The following POFUT2 variants were observed in gnomAD, a reference collection of about 807,000 sequenced individuals.
POFUT2 encodes the protein GDP-fucose protein O-fucosyltransferase 2.
In POFUT2, 30 loss-of-function variants were observed where a neutral mutation model predicts 55.0. The observed-to-expected ratio is 0.55, with a 90% CI of 0.41 to 0.74. POFUT2 has a LOEUF of 0.74. Among genes scored for constraint, POFUT2 ranks in the 30% least tolerant of loss-of-function variants. The probability of loss-of-function intolerance (pLI) is 0.00; values close to 1 mark genes in which losing one functional copy is unlikely to be tolerated. For synonymous variants in POFUT2, 267 were observed against 231.1 expected, an observed-to-expected ratio of 1.16 and a Z score of -1.41; for missense variants, 524 against 562.6, an observed-to-expected ratio of 0.93 and a Z score of 0.69.
Position 45,277,007 on chromosome 21 carries a change from G to C in POFUT2, c.831+10C>G, listed in dbSNP as rs767096579. On this transcript the variant is annotated intron_variant, in intron 6 of 8. Coordinates refer to ENST00000349485, the MANE Select transcript of POFUT2 (RefSeq NM_133635.6). This position sits in a 1 kb window ranked among gnomAD's most constrained non-coding sequence, Gnocchi z 6.9. Reference sequence around the variant, plus strand: ...CCTTTTCTCTAATTAACAAAAGGGAGGGGGGCTACCTTCATCTTCATCCAG... The same window carrying C: ...CCTTTTCTCTAATTAACAAAAGGGACGGGGGCTACCTTCATCTTCATCCAG... 4 of 1,613,480 alleles carry C rather than the reference G, an allele frequency of 2.5e-6. No homozygotes were observed. The Admixed American group carries it at 6.7e-5, about 27-fold the overall frequency.
At position 45,284,668 on chromosome 21, in the gene POFUT2, G is replaced by C. The variant is rs976810920; in HGVS notation, c.382+1010C>G. 6.6e-6 allele frequency among the ~76,000 whole-genome samples: 1 copy of C among 152,212 alleles called. No individual in the cohort carries two copies. Among genetic ancestry groups the C allele is most frequent in the Non-Finnish European group, 1.5e-5 (1 of 68,046 alleles). Reference sequence around the variant, plus strand: ...TCAGGAAACCCACTGGTACCAAAGGGAGGTAAGGATAGCATCTCTGGGTTC... The same window carrying C: ...TCAGGAAACCCACTGGTACCAAAGGCAGGTAAGGATAGCATCTCTGGGTTC... On this transcript the variant is annotated intron_variant, in intron 2 of 8. Coordinates refer to ENST00000349485, the MANE Select transcript of POFUT2 (RefSeq NM_133635.6). The surrounding 1 kb of genome is among the most constrained non-coding windows in gnomAD (Gnocchi z 5.8).
Position 45,284,641 on chromosome 21 carries a change from T to C in POFUT2, c.382+1037A>G, listed in dbSNP as rs1247378056. On this transcript the variant is annotated intron_variant, in intron 2 of 8. Coordinates refer to ENST00000349485, the MANE Select transcript of POFUT2 (RefSeq NM_133635.6). This position sits in a 1 kb window ranked among gnomAD's most constrained non-coding sequence, Gnocchi z 5.8. ...CAAGGCCCAGACCTGTCCGCTTCCC[T>C]GTCAGGAAACCCACTGGTACCAAAG... 6.6e-6 allele frequency among the ~76,000 whole-genome samples: 1 copy of C among 152,204 alleles called. No individual in the cohort carries two copies. Among genetic ancestry groups the C allele is most frequent in the Non-Finnish European group, 1.5e-5 (1 of 68,028 alleles).
intron 1 of POFUT2, 61 bp downstream of exon 1, chr21:45,287,680 C>A: frequency 7.6e-7 from 1 of 1,312,218 alleles, no homozygotes; most frequent in Non-Finnish European, 9.9e-7. Context: ...CGCCCCCATC[C>A]CATCCTCTGA....
At chr21:45,279,223 C>T (rs890851268) in intron 4 of POFUT2, among the ~76,000 whole-genome samples, 26 of 152,152 alleles carry the variant, frequency 1.7e-4, no homozygotes, top group South Asian at 1.0e-3. Flanking sequence ...AACCCCGTCT[C>T]TACTAAAAAT....
chr21:45,286,982 G>A (rs1348818896), intron 1 of POFUT2, among the ~76,000 whole-genome samples: 1 of 152,136 alleles, frequency 6.6e-6, no homozygotes, highest in Non-Finnish European at 1.5e-5. Context: ...GCCTGGACCC[G>A]TGTCACTTGC....
At position 45,266,005 on chromosome 21, in the gene POFUT2, G is replaced by C; in HGVS notation, c.1137-370C>G. 3.3e-6 allele frequency: 4 copies of C among 1,208,914 alleles called. No homozygotes were observed. The South Asian group carries it at 6.0e-5, about 18-fold the overall frequency. The allele number at this position is 1,208,914 out of a possible 1,614,324, so 74.9% of individuals were successfully genotyped here. A position where few individuals can be genotyped will look rare whatever the true frequency, so the allele number is the denominator to read the frequency against. On this transcript the variant is annotated intron_variant, in intron 8 of 8. Coordinates refer to ENST00000349485, the MANE Select transcript of POFUT2 (RefSeq NM_133635.6). ...TCCTGGGGGTCACATGGTGAACAAT[G>C]AGAGATTCCTACTAACCACACACTG...
chr21:45,271,091 GC>G (rs1408461632), intron 6 of POFUT2, among the ~76,000 whole-genome samples: 5 of 151,908 alleles, frequency 3.3e-5, no homozygotes, highest in African/African-American at 1.2e-4. Context: ...TCATTATTAA[GC>G]TACTCAAGGA....
chr21:45,268,310 A>C (rs2093176724), intron 7 of POFUT2, among the ~76,000 whole-genome samples: 1 of 152,200 alleles, frequency 6.6e-6, no homozygotes, highest in Non-Finnish European at 1.5e-5. Flanking sequence ...GCTGGAGTGC[A>C]GTGGCGTGAT....
intron 1 of POFUT2, among the ~76,000 whole-genome samples, chr21:45,286,237 C>A (rs1295230143): frequency 6.6e-6 from 1 of 152,180 alleles, no homozygotes; most frequent in Non-Finnish European, 1.5e-5. Context: ...TTAAAGACCC[C>A]TTTACACTGG....
chr21:45,285,912 C>G lies in POFUT2; in HGVS notation c.148G>C (p.Val50Leu). The change falls in exon 2 of 9, where the codon GTC becomes CTC. Residue 50 changes from valine (V) to leucine (L), a missense_variant. By Grantham distance (32) the Val-to-Leu change is conservative (BLOSUM62 1). This residue lies in a region of POFUT2 where 274 missense variants were observed against 244.4 expected (regional missense o/e 1.12). Transcript: ENST00000349485. This position sits in a 1 kb window ranked among gnomAD's most constrained non-coding sequence, Gnocchi z 4.9. ...ASRRRYLLYD[V>L]NPPEGFNLRR... ...AGGTTGAAGCCTTCCGGGGGGTTGA[C>G]GTCATACAGAAGATACCTGAGCAGG... 1 of 1,608,826 alleles carries G rather than the reference C, an allele frequency of 6.2e-7. No homozygotes were observed. The highest frequency in any genetic ancestry group is 8.5e-7 in the Non-Finnish European group (1 of 1,177,726).
chr21:45,266,074 C>T (rs1231614312), intron 8 of POFUT2: 8 of 1,272,724 alleles, frequency 6.3e-6, no homozygotes, highest in Non-Finnish European at 8.2e-6. Flanking sequence ...GCACAGTAGA[C>T]ATCACGGAGG....
rs775234904 is a variant in POFUT2 at position 45,285,858 on chromosome 21, A to G, written c.202T>C (p.Ser68Pro). The G allele has an allele frequency of 6.2e-7, 1 of 1,613,196 alleles. No homozygotes were observed. The highest frequency in any genetic ancestry group is 1.1e-5 in the South Asian group (1 of 91,076). The stretch of plus-strand genomic sequence containing the variant: ...GTCTTCAGCAGAGTCTTCAGGAGAG[A>G]GGCGATTCGGATATAGACATCCCTG... ...LRRDVYIRIA[S>P]LLKTLLKTEE... The change falls in exon 2 of 9, where the codon TCT becomes CCT. Residue 68 changes from serine to proline, a missense_variant. Ser to Pro is a moderately conservative substitution (Grantham distance 74). This residue lies in a region of POFUT2 where 274 missense variants were observed against 244.4 expected (regional missense o/e 1.12). Transcript: ENST00000349485. This position sits in a 1 kb window ranked among gnomAD's most constrained non-coding sequence, Gnocchi z 4.9.
rs2030032753 is a variant in POFUT2, at chr21:45,278,130, G to T, written c.678C>A (p.Asp226Glu). The change falls in exon 5 of 9, where the codon GAC becomes GAA. Residue 226 changes from aspartate (D) to glutamate (E), a missense_variant. Asp to Glu is a conservative substitution (Grantham distance 45). Coordinates refer to ENST00000349485, the MANE Select transcript of POFUT2 (RefSeq NM_133635.6). Reference protein sequence around the residue: ...MLDRAENLLHDHYGGKEYWDT... With the variant: ...MLDRAENLLHEHYGGKEYWDT... ...CCCAGTATTCTTTCCCTCCATAGTG[G>T]TCGTGAAGTAGGTTCTCGGCTCTGT... 3 of 1,613,890 alleles carry T rather than the reference G, an allele frequency of 1.9e-6. No homozygotes were observed. The East Asian group carries it at 6.7e-5, about 36-fold the overall frequency.
Position 45,267,817 on chromosome 21 carries a change from GT to G in POFUT2, c.1013-105del. On this transcript the variant is annotated intron_variant, in intron 7 of 8. Transcript: ENST00000349485. The surrounding 1 kb of genome is among the most constrained non-coding windows in gnomAD (Gnocchi z 4.4). ...TGCGTACTTGGCTTCTGGTTAATTCGTTAGGAACTGGCTCCAAAGGTGCAGA... is the reference window on the plus strand; with the variant it reads ...TGCGTACTTGGCTTCTGGTTAATTCGTAGGAACTGGCTCCAAAGGTGCAGA... The G allele has an allele frequency of 1.0e-6, 1 of 990,260 alleles. No individual in the cohort carries two copies. The highest frequency in any genetic ancestry group is 1.5e-6 in the Non-Finnish European group (1 of 646,534). 61.3% of individuals were successfully genotyped at this position (990,260 alleles called of 1,614,324 possible). A position where few individuals can be genotyped will look rare whatever the true frequency, so the allele number is the denominator to read the frequency against.
intron 1 of POFUT2, among the ~76,000 whole-genome samples, chr21:45,286,189 C>A (rs2031387241): frequency 6.6e-6 from 1 of 152,144 alleles, no homozygotes; most frequent in Non-Finnish European, 1.5e-5. Flanking sequence ...GACTGGAACC[C>A]AAGAATCAGT....
At chr21:45,266,787 G>A in intron 8 of POFUT2, 3 of 998,278 alleles carry the variant, frequency 3.0e-6, no homozygotes, top group Non-Finnish European at 3.6e-6. Flanking sequence ...TCGGGCAGGA[G>A]AGAGACAGAC....
chr21:45,286,227 T>C (rs35776291), intron 1 of POFUT2, among the ~76,000 whole-genome samples: 62,893 of 152,038 alleles, frequency 0.41, 13,638 homozygotes, highest in South Asian at 0.54. Flanking sequence ...ACTGTTTGGT[T>C]TAAAGACCCC....
intron 7 of POFUT2, 81 bp downstream of exon 7, chr21:45,269,758 C>A: frequency 7.4e-7 from 1 of 1,353,114 alleles, no homozygotes; most frequent in South Asian, 1.3e-5. Flanking sequence ...AAATCCCCGT[C>A]TGTGAGAAAC....
At chr21:45,275,515 G>T (rs534406962) in intron 6 of POFUT2, among the ~76,000 whole-genome samples, 1 of 152,320 alleles carries the variant, frequency 6.6e-6, no homozygotes, top group East Asian at 1.9e-4. Context: ...ACATGGAACC[G>T]GCCTGAATGC....
Sources: gnomAD v4.1 joint callset for allele counts (sites outside exome capture counted in the v4.1 genomes callset) on GRCh38, gnomAD v4.1.1 for gene constraint, gnomAD v4.1.1 regional missense constraint, Gnocchi (gnomAD v3.1) non-coding constraint, MANE v1.5 for transcripts, NCBI Gene and HGNC (gene_info 2026-07-23, HGNC 2026-07-21) for gene names.